The following CCNY variants were observed in gnomAD, a reference collection of about 807,000 sequenced individuals.
CCNY encodes cyclin Y, also known as cyclin-Y.
CCNY carries 19 observed loss-of-function variants against 42.8 expected under a neutral mutation model. The ratio of observed to expected loss-of-function variants is 0.44; its 90% CI spans 0.31 to 0.65. The LOEUF (loss-of-function observed/expected upper bound fraction) is 0.65, where lower values mean the gene tolerates loss of function less well. Ranked by LOEUF, CCNY falls within the 30% of genes least tolerant of loss-of-function variation. The pLI is 0.07. For synonymous variants in CCNY, 165 were observed against 162.7 expected, an observed-to-expected ratio of 1.01 and a Z score of -0.11; for missense variants, 370 against 437.3, an observed-to-expected ratio of 0.85 and a Z score of 1.37.
intron 1 of CCNY, among the ~76,000 whole-genome samples, chr10:35,406,852 C>T (rs1044631332): frequency 5.3e-4 from 81 of 151,444 alleles, no homozygotes; most frequent in African/African-American, 1.8e-3. Flanking sequence ...GCTGGCCGGG[C>T]GGGGGGCTGA....
intron 3 of CCNY, among the ~76,000 whole-genome samples, chr10:35,330,765 T>A (rs1037345124): frequency 3.3e-5 from 5 of 151,848 alleles, no homozygotes; most frequent in South Asian, 2.1e-4. Context: ...TATTTTTTTT[T>A]TTTTTTTGAG....
chr10:35,565,360 T>G (rs1293351771), intron 8 of CCNY, among the ~76,000 whole-genome samples: 1 of 152,182 alleles, frequency 6.6e-6, no homozygotes, highest in Non-Finnish European at 1.5e-5. Flanking sequence ...GCAGACCTAC[T>G]GATCCCCACA....
chr10:35,471,542 T>G (rs1310357444), intron 1 of CCNY, among the ~76,000 whole-genome samples: 8 of 152,180 alleles, frequency 5.3e-5, no homozygotes, highest in Admixed American at 2.0e-4. Context: ...AAAATGAGGT[T>G]GACCAGTATA....
intron 1 of CCNY, among the ~76,000 whole-genome samples, chr10:35,465,063 A>G (rs1007639403): frequency 6.6e-6 from 1 of 151,980 alleles, no homozygotes; most frequent in African/African-American, 2.4e-5. Context: ...CTTTGAGTTC[A>G]TTTGCATTTG....
chr10:35,269,260 AAAT>A (rs1744841096), intron 3 of CCNY, among the ~76,000 whole-genome samples: 1 of 149,256 alleles, frequency 6.7e-6, no homozygotes, highest in African/African-American at 2.5e-5. Context: ...TTTCTTTGCC[AAAT>A]AATCTACTTC....
Position 35,438,149 on chromosome 10 carries a change from CTT to C in CCNY, c.155-45240_155-45239del, listed in dbSNP as rs375497545. Among the ~76,000 whole-genome samples, 470 of 137,642 alleles carry C rather than the reference CTT, an allele frequency of 3.4e-3. 3 individuals are homozygous for C. The highest frequency in any genetic ancestry group is 0.012 in the African/African-American group (436 of 37,718). 90.3% of individuals were successfully genotyped at this position (137,642 alleles called of 152,430 possible). A position where few individuals can be genotyped will look rare whatever the true frequency, so the allele number is the denominator to read the frequency against. On this transcript the variant is annotated intron_variant, in intron 1 of 9. Coordinates refer to ENST00000374704, the MANE Select transcript of CCNY (RefSeq NM_145012.6). ...TCCATAAAAACATATCTTCAGAGTTCTTTTTTTTTTTTTTTTCTGAGGCAAGG... is the reference window on the plus strand; with the variant it reads ...TCCATAAAAACATATCTTCAGAGTTCTTTTTTTTTTTTTTCTGAGGCAAGG...
At chr10:35,317,266 C>G (rs1474718778) in intron 3 of CCNY, among the ~76,000 whole-genome samples, 2 of 152,220 alleles carry the variant, frequency 1.3e-5, no homozygotes, top group East Asian at 3.8e-4. Flanking sequence ...GTTAGGATTA[C>G]AGGCATGAGC....
chr10:35,308,397 T>A (rs1294046205), intron 3 of CCNY, among the ~76,000 whole-genome samples: 1 of 151,598 alleles, frequency 6.6e-6, no homozygotes, highest in African/African-American at 2.4e-5. Flanking sequence ...AACTAAAAAG[T>A]AAAAAACAGC....
intron 3 of CCNY, among the ~76,000 whole-genome samples, chr10:35,329,881 G>A (rs1417981223): frequency 6.6e-6 from 1 of 152,204 alleles, no homozygotes; most frequent in African/African-American, 2.4e-5. Context: ...GGGAGGGACA[G>A]GACCGCCTGC....
chr10:35,397,536 A>G (rs967040491), intron 1 of CCNY, among the ~76,000 whole-genome samples: 4 of 152,020 alleles, frequency 2.6e-5, no homozygotes, highest in African/African-American at 9.7e-5. Context: ...ATTGGGGAGG[A>G]GGAATTCTAG....
chr10:35,266,598 C>T (rs150131697), intron 3 of CCNY, among the ~76,000 whole-genome samples: 17 of 152,150 alleles, frequency 1.1e-4, no homozygotes, highest in African/African-American at 3.9e-4. Flanking sequence ...ATAAACGAAC[C>T]GAACAGAATG....
At chr10:35,303,499 C>T (rs1303685007) in intron 3 of CCNY, among the ~76,000 whole-genome samples, 3 of 150,762 alleles carry the variant, frequency 2.0e-5, no homozygotes, top group Non-Finnish European at 3.0e-5. Context: ...GAAAGAAGCC[C>T]AGGCATGGTG....
chr10:35,355,911 TG>T (rs974982725), intron 1 of CCNY, among the ~76,000 whole-genome samples: 16 of 151,834 alleles, frequency 1.1e-4, no homozygotes, highest in African/African-American at 2.4e-5. Flanking sequence ...TATCTTAGAT[TG>T]TTTTTTTTTT....
intron 2 of CCNY, among the ~76,000 whole-genome samples, chr10:35,495,385 T>C (rs1335958252): frequency 6.6e-6 from 1 of 152,232 alleles, no homozygotes; most frequent in Non-Finnish European, 1.5e-5. Flanking sequence ...AGAAAACCTC[T>C]CAAGTGTGTT....
intron 3 of CCNY, among the ~76,000 whole-genome samples, chr10:35,268,807 G>A (rs1466288098): frequency 6.6e-6 from 1 of 152,220 alleles, no homozygotes; most frequent in Non-Finnish European, 1.5e-5. Context: ...TGGGCCTGCT[G>A]GAGGCACAGC....
chr10:35,424,613 G>A (rs988301892), intron 1 of CCNY, among the ~76,000 whole-genome samples: 1 of 152,170 alleles, frequency 6.6e-6, no homozygotes, highest in Non-Finnish European at 1.5e-5. Flanking sequence ...CATCTCATTT[G>A]ATGCTCACAG....
At chr10:35,539,916 AGATT>A (rs1324370704) in intron 7 of CCNY, among the ~76,000 whole-genome samples, 16 of 152,244 alleles carry the variant, frequency 1.1e-4, no homozygotes, top group Non-Finnish European at 1.8e-4. Flanking sequence ...TTATTTTTAT[AGATT>A]GATCTTGTAC....
chr10:35,560,285 G>T (rs910587418), intron 8 of CCNY, among the ~76,000 whole-genome samples: 1 of 152,168 alleles, frequency 6.6e-6, no homozygotes, highest in Non-Finnish European at 1.5e-5. Context: ...TTGCGGGGCT[G>T]AACTTTGTCC....
chr10:35,501,594 A>G, intron 3 of CCNY, 59 bp downstream of exon 3: 1 of 1,429,900 alleles, frequency 7.0e-7, no homozygotes, highest in Non-Finnish European at 9.9e-7. Flanking sequence ...AAGAGCTAAA[A>G]TAACTGTCTG....
Sources: gnomAD v4.1 joint callset for allele counts (sites outside exome capture counted in the v4.1 genomes callset) on GRCh38, gnomAD v4.1.1 for gene constraint, MANE v1.5 for transcripts, NCBI Gene and HGNC (gene_info 2026-07-23, HGNC 2026-07-21) for gene names.